ADAT2: variants seen among roughly 807,000 people sequenced by gnomAD.
ADAT2 encodes tRNA-specific adenosine-34 deaminase catalytic subunit ADAT2.
ADAT2 carries 26 observed loss-of-function variants against 25.9 expected under a neutral mutation model. The observed-to-expected ratio is 1.00, with a 90% CI of 0.74 to 1.39. The LOEUF is 1.39. Ranked by LOEUF, ADAT2 falls within the 40% of genes most tolerant of loss-of-function variation. ADAT2 has a pLI of 0.00. For missense variants in ADAT2, 220 were observed against 244.8 expected, an observed-to-expected ratio of 0.90 and a Z score of 0.68; for synonymous variants, 76 against 86.8, an observed-to-expected ratio of 0.88 and a Z score of 0.69.
intron 1 of ADAT2, among the ~76,000 whole-genome samples, chr6:143,445,548 A>G (rs1265268466): frequency 6.6e-6 from 1 of 152,152 alleles, no homozygotes; most frequent in African/African-American, 2.4e-5. Context: ...GTCCCTTAAA[A>G]TTTAGAAGGA....
In ADAT2 at chr6:143,436,700, TGG is replaced by T; in HGVS notation, c.201+1888_201+1889del. ...GAGTCTGAGGAGTGGACTGAGGAAATGGGGGCGTAGAGCCTTCTGTTACTGGG... is the reference window on the plus strand; with the variant it reads ...GAGTCTGAGGAGTGGACTGAGGAAATGGGCGTAGAGCCTTCTGTTACTGGG... On this transcript the variant is annotated intron_variant, in intron 2 of 5. Coordinates refer to ENST00000237283, the MANE Select transcript of ADAT2 (RefSeq NM_182503.3). The surrounding 1 kb of genome is among the most constrained non-coding windows in gnomAD (Gnocchi z 4.1). 4.0e-6 allele frequency: 1 copy of T among 249,024 alleles called. No individual in the cohort carries two copies. The highest frequency in any genetic ancestry group is 4.1e-5 in the Admixed American group (1 of 24,416). The allele number at this position is 249,024 out of a possible 1,614,324, so 15.4% of individuals were successfully genotyped here.
Position 143,442,474 on chromosome 6 carries a change from C to G in ADAT2, c.97-3780G>C, listed in dbSNP as rs1324776119. Among the ~76,000 whole-genome samples, 1 of 127,894 alleles carries G rather than the reference C, an allele frequency of 7.8e-6. No individual in the cohort carries two copies. The highest frequency in any genetic ancestry group is 1.7e-5 in the Non-Finnish European group (1 of 60,080). 83.9% of individuals were successfully genotyped at this position (127,894 alleles called of 152,430 possible). On this transcript the variant is annotated intron_variant, in intron 1 of 5. Coordinates refer to ENST00000237283, the MANE Select transcript of ADAT2 (RefSeq NM_182503.3). This position sits in a 1 kb window ranked among gnomAD's most constrained non-coding sequence, Gnocchi z 4.6. ...AACATGACAAAATTGCATAGGCACG[C>G]ATACACACACACACACACACACACA... is the stretch of plus-strand genomic sequence containing the variant.
Position 143,437,460 on chromosome 6 carries a change from T to C in ADAT2, c.201+1130A>G, listed in dbSNP as rs4896657. Among the ~76,000 whole-genome samples the C allele has an allele frequency of 0.015, 2,256 of 152,314 alleles. 85 individuals are homozygous for C. The highest frequency in any genetic ancestry group is 0.072 in the Admixed American group (1,105 of 15,286). ...TCCCTTGTAATATTAGTCTCTCTGT[T>C]ACTGATTTCTAAGAACTCATTTCTG... On this transcript the variant is annotated intron_variant, in intron 2 of 5. Coordinates refer to ENST00000237283, the MANE Select transcript of ADAT2 (RefSeq NM_182503.3). This position sits in a 1 kb window ranked among gnomAD's most constrained non-coding sequence, Gnocchi z 4.1.
intron 2 of ADAT2, 70 bp downstream of exon 2, chr6:143,438,520 C>T: frequency 8.0e-7 from 1 of 1,246,796 alleles, no homozygotes. Context: ...TTCACACCAA[C>T]TGTGGTAAAT....
rs1049992762 is a variant in ADAT2, at chr6:143,427,899, AT to A, written c.*563del. ...TCAAGCACTTGTTTTAAAAGTATGCATTTTTTCTAAATGCTTTATAAAAGCA... is the reference window on the plus strand; with the variant it reads ...TCAAGCACTTGTTTTAAAAGTATGCATTTTTCTAAATGCTTTATAAAAGCA... On this transcript the variant is annotated 3_prime_UTR_variant, in exon 6 of 6. Transcript: ENST00000237283. The A allele has an allele frequency of 6.6e-6, 1 of 152,308 alleles. No homozygotes were observed. The highest frequency in any genetic ancestry group is 1.5e-5 in the Non-Finnish European group (1 of 68,124). The allele number at this position is 152,308 out of a possible 1,614,324, so 9.4% of individuals were successfully genotyped here.
rs1287032383 is a variant in ADAT2, at chr6:143,428,993, T to C, written c.460-309A>G. 1.3e-5 allele frequency among the ~76,000 whole-genome samples: 2 copies of C among 151,682 alleles called. No individual in the cohort carries two copies. Among genetic ancestry groups the C allele is most frequent in the African/African-American group, 4.9e-5 (2 of 41,224 alleles). ...ACTTAAACTCTCCATGCCTTATTTA[T>C]ACAATGCTGGCAATAATAGCACTTA... On this transcript the variant is annotated intron_variant, in intron 4 of 5. Coordinates refer to ENST00000237283, the MANE Select transcript of ADAT2 (RefSeq NM_182503.3). This position sits in a 1 kb window ranked among gnomAD's most constrained non-coding sequence, Gnocchi z 5.0.
rs1779148421 is a variant in ADAT2 at position 143,432,602 on chromosome 6, A to G, written c.362T>C (p.Leu121Pro). 2 of 1,614,080 alleles carry G rather than the reference A, an allele frequency of 1.2e-6. No individual in the cohort carries two copies. The highest frequency in any genetic ancestry group is 1.7e-6 in the Non-Finnish European group (2 of 1,180,008). ...AAALRLMKIPLVVYGCQNERF... is the reference protein window; with the variant it reads ...AAALRLMKIPPVVYGCQNERF... Reference sequence around the variant, plus strand: ...TTCATTCTGACAGCCATATACAACCAGCGGGATTTATAAGACAGAATTAAG... The same window carrying G: ...TTCATTCTGACAGCCATATACAACCGGCGGGATTTATAAGACAGAATTAAG... The change falls in exon 4 of 6, where the codon CTG becomes CCG. Residue 121 changes from leucine to proline, a missense_variant. Physicochemically the swap from Leu to Pro is moderately conservative, Grantham distance 98. Transcript: ENST00000237283. This position sits in a 1 kb window ranked among gnomAD's most constrained non-coding sequence, Gnocchi z 4.4.
chr6:143,443,031 T>C (rs1180125019), intron 1 of ADAT2, among the ~76,000 whole-genome samples: 2 of 152,208 alleles, frequency 1.3e-5, no homozygotes, highest in Non-Finnish European at 2.9e-5. Flanking sequence ...TTACAATTTA[T>C]TGAAAGCTTA....
chr6:143,449,108 A>C (rs963830835), intron 1 of ADAT2, among the ~76,000 whole-genome samples: 1 of 152,010 alleles, frequency 6.6e-6, no homozygotes, highest in African/African-American at 2.4e-5. Flanking sequence ...GTACAGTGGC[A>C]CAGACACGGC....
At position 143,432,655 on chromosome 6, in the gene ADAT2, A is replaced by G. The variant is rs372552747; in HGVS notation, c.353-44T>C. 6.3e-7 allele frequency: 1 copy of G among 1,584,736 alleles called. No homozygotes were observed. The highest frequency in any genetic ancestry group is 1.1e-5 in the South Asian group (1 of 90,392). On this transcript the variant is annotated intron_variant, in intron 3 of 5. Transcript: ENST00000237283. The surrounding 1 kb of genome is among the most constrained non-coding windows in gnomAD (Gnocchi z 4.4). ...CCTGCATAGAATGTACATTTCAAGT[A>G]TGTATCGTGACAAAATCAGAGTAGG...
intron 1 of ADAT2, among the ~76,000 whole-genome samples, chr6:143,439,979 G>C (rs1034523520): frequency 1.3e-5 from 2 of 152,130 alleles, no homozygotes; most frequent in African/African-American, 2.4e-5. Context: ...CTTGTCCCAT[G>C]ATAGCAGCTC....
rs1247082792 is a variant in ADAT2, at chr6:143,450,681, G to A, written c.-23C>T. Reference sequence around the variant, plus strand: ...CATACCCAGCCACCACTCAGCTACAGAGCCCGCGGCAGAGGAGGAGCGCGG... The same window carrying A: ...CATACCCAGCCACCACTCAGCTACAAAGCCCGCGGCAGAGGAGGAGCGCGG... On this transcript the variant is annotated 5_prime_UTR_variant, in exon 1 of 6. Coordinates refer to ENST00000237283, the MANE Select transcript of ADAT2 (RefSeq NM_182503.3). 4 of 1,610,776 alleles carry A rather than the reference G, an allele frequency of 2.5e-6. No homozygotes were observed. In the African/African-American group the frequency reaches 4.0e-5, roughly 16 times the overall value.
chr6:143,433,752 G>A (rs920016324), intron 3 of ADAT2, 79 bp downstream of exon 3: 35 of 1,378,282 alleles, frequency 2.5e-5, no homozygotes, highest in Admixed American at 4.9e-5. Flanking sequence ...TTCATATTTT[G>A]GAAAACAGGC....
Position 143,424,946 on chromosome 6 carries a change from G to A in ADAT2, c.*3517C>T, listed in dbSNP as rs1778886165. The A allele has an allele frequency of 6.6e-6, 1 of 152,110 alleles. No homozygotes were observed. The highest frequency in any genetic ancestry group is 2.4e-5 in the African/African-American group (1 of 41,414). The allele number at this position is 152,110 out of a possible 1,614,324, so 9.4% of individuals were successfully genotyped here. On this transcript the variant is annotated 3_prime_UTR_variant, in exon 6 of 6. Coordinates refer to ENST00000237283, the MANE Select transcript of ADAT2 (RefSeq NM_182503.3). This position sits in a 1 kb window ranked among gnomAD's most constrained non-coding sequence, Gnocchi z 4.8. Reference sequence around the variant, plus strand: ...GAAAAAAGGTAACTATATAGTGAAGGAATAGGACAACACCTTGACCAGATG... The same window carrying A: ...GAAAAAAGGTAACTATATAGTGAAGAAATAGGACAACACCTTGACCAGATG...
intron 1 of ADAT2, among the ~76,000 whole-genome samples, chr6:143,448,689 TACTC>T (rs138731241): frequency 0.24 from 35,977 of 151,802 alleles, 4,693 homozygotes; most frequent in Middle Eastern, 0.3. Flanking sequence ...ATTTGCTGGC[TACTC>T]ACTCGTCACT....
At chr6:143,443,449 T>C (rs1423642124) in intron 1 of ADAT2, among the ~76,000 whole-genome samples, 2 of 151,958 alleles carry the variant, frequency 1.3e-5, no homozygotes, top group African/African-American at 2.4e-5. Context: ...ATAAAAAAAA[T>C]GGCAAGAGGA....
chr6:143,441,176 C>G (rs750218486), intron 1 of ADAT2, among the ~76,000 whole-genome samples: 3 of 152,088 alleles, frequency 2.0e-5, no homozygotes, highest in Non-Finnish European at 4.4e-5. Context: ...TTTTAGCCAC[C>G]ATGTTTGTGA....
In ADAT2 at chr6:143,425,704, T is replaced by G. The variant is rs1778909725; in HGVS notation, c.*2759A>C. 1 of 146,856 alleles carries G rather than the reference T, an allele frequency of 6.8e-6. No homozygotes were observed. The highest frequency in any genetic ancestry group is 2.2e-4 in the South Asian group (1 of 4,540). The allele number at this position is 146,856 out of a possible 1,614,324, so 9.1% of individuals were successfully genotyped here. A position where few individuals can be genotyped will look rare whatever the true frequency, so the allele number is the denominator to read the frequency against. On this transcript the variant is annotated 3_prime_UTR_variant, in exon 6 of 6. Coordinates refer to ENST00000237283, the MANE Select transcript of ADAT2 (RefSeq NM_182503.3). ...AAGTCAATAACTATACTGAAGCATT[T>G]CGGGGTAAAGGGCCATGGTGTGTTG...
chr6:143,440,407 C>T lies in ADAT2; in HGVS notation c.97-1713G>A, dbSNP rs1379964539. Among the ~76,000 whole-genome samples the T allele has an allele frequency of 6.6e-6, 1 of 152,160 alleles. No homozygotes were observed. On this transcript the variant is annotated intron_variant, in intron 1 of 5. Transcript: ENST00000237283. The surrounding 1 kb of genome is among the most constrained non-coding windows in gnomAD (Gnocchi z 4.5). ...TACAGGATTTCCTCAGTTATTCCCA[C>T]CATGTTCAACGGACACTTATTCTTC...
Sources: gnomAD v4.1 joint callset for allele counts (sites outside exome capture counted in the v4.1 genomes callset) on GRCh38, gnomAD v4.1.1 for gene constraint, Gnocchi (gnomAD v3.1) non-coding constraint, MANE v1.5 for transcripts, NCBI Gene and HGNC (gene_info 2026-07-23, HGNC 2026-07-21) for gene names.